The following STK33 variants were observed in gnomAD, a reference collection of about 807,000 sequenced individuals.
STK33 encodes serine/threonine-protein kinase 33.
Under a neutral mutation model 58.0 loss-of-function variants are expected in STK33, and 52 were observed. That is an observed-to-expected ratio of 0.90 (90% confidence interval 0.72 to 1.13). The LOEUF (loss-of-function observed/expected upper bound fraction) is 1.13, where lower values mean the gene tolerates loss of function less well. STK33 is among the 50% of genes most tolerant of loss of function. The pLI is 0.00. For missense variants in STK33, 630 were observed against 604.2 expected, an observed-to-expected ratio of 1.04 and a Z score of -0.45; for synonymous variants, 215 against 200.1, an observed-to-expected ratio of 1.07 and a Z score of -0.63.
chr11:8,461,936 C>A, intron 7 of STK33, 27 bp from the exon 8 acceptor site: 1 of 1,531,820 alleles, frequency 6.5e-7, no homozygotes, highest in Non-Finnish European at 8.8e-7. Context: ...ACACAGATTT[C>A]ACATAATGAA....
rs1177733419 is a variant in STK33 at position 8,573,743 on chromosome 11, T to G, written c.-466+20340A>C. On this transcript the variant is annotated intron_variant, in intron 1 of 15. Transcript: ENST00000687296. ...GCACATCCATACTAAGGACTATTAC[T>G]TAGCAATAAAAAGGAATATGCAACA... Among the ~76,000 whole-genome samples, 7 of 152,206 alleles carry G rather than the reference T, an allele frequency of 4.6e-5. No homozygotes were observed. In the East Asian group the frequency reaches 1.3e-3, roughly 29 times the overall value.
intron 1 of STK33, among the ~76,000 whole-genome samples, chr11:8,529,221 A>G (rs1427979209): frequency 6.6e-6 from 1 of 152,224 alleles, no homozygotes; most frequent in Non-Finnish European, 1.5e-5. Flanking sequence ...GATTCTAGGA[A>G]CATGGCAGCC....
At chr11:8,489,924 T>TA (rs1450384853) in intron 1 of STK33, among the ~76,000 whole-genome samples, 11 of 150,704 alleles carry the variant, frequency 7.3e-5, no homozygotes, top group African/African-American at 2.2e-4. Context: ...AGTAAACAAT[T>TA]AAAAAAAAAC....
At chr11:8,486,903 T>G (rs1950229039) in intron 1 of STK33, among the ~76,000 whole-genome samples, 1 of 152,114 alleles carries the variant, frequency 6.6e-6, no homozygotes, top group Non-Finnish European at 1.5e-5. Context: ...TATGACCTGA[T>G]GAGGGAAAGA....
chr11:8,397,300 T>C (rs1849533808), intron 15 of STK33, among the ~76,000 whole-genome samples: 2 of 152,308 alleles, frequency 1.3e-5, no homozygotes, highest in South Asian at 4.1e-4. Flanking sequence ...CATTTGCTGT[T>C]CACCAATATC....
At chr11:8,338,245 G>A in the STK33 span, among the ~76,000 whole-genome samples, 1 of 152,126 alleles carries the variant, frequency 6.6e-6, no homozygotes, top group Admixed American at 6.5e-5. Context: ...CCTCCAGAGG[G>A]CGCCACACAG....
intron 15 of STK33, among the ~76,000 whole-genome samples, chr11:8,411,868 A>G (rs182733981): frequency 1.1e-3 from 175 of 152,350 alleles, no homozygotes; most frequent in Non-Finnish European, 2.8e-4. Context: ...TAGTTCTAGC[A>G]TCCACAAACA....
chr11:8,445,656 G>C (rs1945348658), intron 11 of STK33, among the ~76,000 whole-genome samples: 1 of 152,138 alleles, frequency 6.6e-6, no homozygotes, highest in African/African-American at 2.4e-5. Flanking sequence ...TTTTGTCTTT[G>C]GTTCTGTTTA....
At chr11:8,529,366 C>T (rs1342351560) in intron 1 of STK33, among the ~76,000 whole-genome samples, 1 of 152,070 alleles carries the variant, frequency 6.6e-6, no homozygotes, top group Non-Finnish European at 1.5e-5. Context: ...TAGTGTAAGA[C>T]AAATTTTTCT....
chr11:8,553,264 T>TC (rs1345184722), intron 1 of STK33, among the ~76,000 whole-genome samples: 13 of 129,520 alleles, frequency 1.0e-4, no homozygotes, highest in Admixed American at 8.3e-5. Context: ...ATATATATCA[T>TC]ATATATAAGT....
intron 14 of STK33, among the ~76,000 whole-genome samples, chr11:8,424,064 T>G (rs1224745603): frequency 6.6e-6 from 1 of 151,868 alleles, no homozygotes; most frequent in Admixed American, 6.6e-5. Flanking sequence ...TGTATACATG[T>G]GCCATGTTGG....
chr11:8,356,714 C>A, the STK33 span, among the ~76,000 whole-genome samples: 1 of 152,186 alleles, frequency 6.6e-6, no homozygotes, highest in Admixed American at 6.5e-5. Context: ...GCTGGGGCAT[C>A]TGAGGAGCCG....
intron 8 of STK33, among the ~76,000 whole-genome samples, chr11:8,459,462 C>T (rs894124415): frequency 6.6e-6 from 1 of 152,062 alleles, no homozygotes. Context: ...CCTGCTTGTA[C>T]CCATAATGGA....
chr11:8,436,266 G>C lies in STK33; in HGVS notation c.948-127C>G, dbSNP rs11828086. ...TTAAGGAAAGGATGGGAAGAGATGG[G>C]TACCTCCCTGGAAGTAAAAATGGAA... On this transcript the variant is annotated intron_variant, in intron 12 of 15. Coordinates refer to ENST00000687296, the MANE Select transcript of STK33 (RefSeq NM_001352389.2). 6.2e-3 allele frequency: 3,036 copies of C among 485,778 alleles called. 64 individuals carry two copies. Among genetic ancestry groups the C allele is most frequent in the African/African-American group, 0.05 (2,548 of 50,864 alleles). 30.1% of individuals were successfully genotyped at this position (485,778 alleles called of 1,614,324 possible).
At chr11:8,509,139 A>G (rs562009637) in intron 1 of STK33, among the ~76,000 whole-genome samples, 18 of 150,032 alleles carry the variant, frequency 1.2e-4, no homozygotes, top group South Asian at 6.6e-4. Flanking sequence ...AAAAAAAAAA[A>G]GCCACTCATT....
chr11:8,554,672 C>T (rs1956605853), intron 1 of STK33, among the ~76,000 whole-genome samples: 1 of 151,996 alleles, frequency 6.6e-6, no homozygotes, highest in Admixed American at 6.6e-5. Context: ...TAAATTAGTA[C>T]AGCTATTATA....
chr11:8,480,072 A>G (rs756425326), intron 2 of STK33, among the ~76,000 whole-genome samples: 4 of 152,198 alleles, frequency 2.6e-5, no homozygotes, highest in Non-Finnish European at 5.9e-5. Flanking sequence ...AGGGAATGTG[A>G]GAGCTCTCTT....
intron 1 of STK33, among the ~76,000 whole-genome samples, chr11:8,538,620 T>A (rs1955245417): frequency 6.6e-6 from 1 of 152,206 alleles, no homozygotes; most frequent in Admixed American, 6.5e-5. Flanking sequence ...AGTAGGCATA[T>A]TTTTAGAAAA....
chr11:8,444,992 T>C (rs1350866558), intron 11 of STK33, among the ~76,000 whole-genome samples: 1 of 152,224 alleles, frequency 6.6e-6, no homozygotes, highest in Non-Finnish European at 1.5e-5. Flanking sequence ...CTATGGCGAT[T>C]TTCATGATAT....
Sources: allele counts gnomAD v4.1 joint callset (sites outside exome capture counted in the v4.1 genomes callset), GRCh38; gene constraint gnomAD v4.1.1; transcripts MANE v1.5; gene names NCBI Gene and HGNC (gene_info 2026-07-23, HGNC 2026-07-21).